EFNA5: variants seen among roughly 807,000 people sequenced by gnomAD.
EFNA5 encodes the protein ephrin-A5.
In EFNA5, 5 loss-of-function variants were observed where a neutral mutation model predicts 22.9. The ratio of observed to expected loss-of-function variants is 0.22; its 90% CI spans 0.11 to 0.46. The LOEUF is 0.46. Ranked by LOEUF, EFNA5 falls within the 20% of genes least tolerant of loss-of-function variation. The pLI is 0.99. For missense variants in EFNA5, 237 were observed against 293.3 expected (o/e 0.81, Z 1.40); for synonymous variants, 113 against 112.2 (o/e 1.01, Z -0.04).
chr5:107,508,006 A>AT (rs369736368), intron 1 of EFNA5, among the ~76,000 whole-genome samples: 1 of 151,980 alleles, frequency 6.6e-6, no homozygotes, highest in Non-Finnish European at 1.5e-5. Context: ...GAATCTGAAG[A>AT]TTTTTTTTGA....
At chr5:107,426,883 T>C (rs252802) in intron 2 of EFNA5, 102,729 of 252,114 alleles carry the variant, frequency 0.41, 24,009 homozygotes, top group Non-Finnish European at 0.5. Context: ...TATGTAAATT[T>C]AATTATTTCC....
intron 1 of EFNA5, 70 bp from the exon 2 acceptor site, chr5:107,427,579 A>G: frequency 1.4e-6 from 2 of 1,406,940 alleles, no homozygotes; most frequent in South Asian, 2.8e-5. Context: ...TCAGTGGTTA[A>G]GCCATTCAAT....
intron 4 of EFNA5, among the ~76,000 whole-genome samples, chr5:107,385,255 G>C (rs181369282): frequency 1.3e-5 from 2 of 152,032 alleles, no homozygotes; most frequent in Admixed American, 6.5e-5. Context: ...GCATTGTATC[G>C]TTAGTGGAAT....
At chr5:107,506,637 T>C (rs974812631) in intron 1 of EFNA5, among the ~76,000 whole-genome samples, 7 of 152,222 alleles carry the variant, frequency 4.6e-5, no homozygotes, top group African/African-American at 1.2e-4. Flanking sequence ...GCCCATTTAA[T>C]GGCAAGCTAA....
intron 1 of EFNA5, among the ~76,000 whole-genome samples, chr5:107,458,551 G>A (rs185768095): frequency 2.4e-4 from 36 of 151,994 alleles, no homozygotes; most frequent in Non-Finnish European, 5.0e-4. Context: ...CAAGGTGCCT[G>A]GAACCTGGAG....
At chr5:107,507,058 TTGTA>T (rs1178491407) in intron 1 of EFNA5, among the ~76,000 whole-genome samples, 1 of 152,092 alleles carries the variant, frequency 6.6e-6, no homozygotes, top group Non-Finnish European at 1.5e-5. Flanking sequence ...GATCAAAAGT[TTGTA>T]TGTGAAGGTC....
At chr5:107,496,354 C>A (rs40288) in intron 1 of EFNA5, among the ~76,000 whole-genome samples, 33,512 of 120,130 alleles carry the variant, frequency 0.28, 5,308 homozygotes, top group East Asian at 0.46. Flanking sequence ...AAAAAAAAAA[C>A]AAAAAAACAA....
At chr5:107,388,181 G>A (rs1747687840) in intron 2 of EFNA5, among the ~76,000 whole-genome samples, 1 of 152,208 alleles carries the variant, frequency 6.6e-6, no homozygotes, top group Admixed American at 6.5e-5. Flanking sequence ...GGCCCAAGGT[G>A]AAAGTGCCGG....
intron 2 of EFNA5, among the ~76,000 whole-genome samples, chr5:107,389,607 C>G (rs556099472): frequency 6.6e-6 from 1 of 152,130 alleles, no homozygotes; most frequent in Non-Finnish European, 1.5e-5. Context: ...ATTGGTTTAG[C>G]GAGGAGCTTC....
chr5:107,449,681 GCTCT>G (rs1339924264), intron 1 of EFNA5, among the ~76,000 whole-genome samples: 2 of 152,138 alleles, frequency 1.3e-5, no homozygotes, highest in African/African-American at 2.4e-5. Flanking sequence ...TCCTTAAGAA[GCTCT>G]CTAAGTTCCA....
chr5:107,559,281 G>A (rs1680584660), intron 1 of EFNA5, among the ~76,000 whole-genome samples: 2 of 152,004 alleles, frequency 1.3e-5, no homozygotes, highest in African/African-American at 2.4e-5. Flanking sequence ...GCTGTCTGGG[G>A]CTTTATTTTC....
At chr5:107,556,013 C>T (rs1465131159) in intron 1 of EFNA5, among the ~76,000 whole-genome samples, 1 of 152,170 alleles carries the variant, frequency 6.6e-6, no homozygotes, top group Non-Finnish European at 1.5e-5. Flanking sequence ...TCATGATTTC[C>T]CTTCTTCACA....
chr5:107,380,850 G>A lies in EFNA5; in HGVS notation c.*405C>T, dbSNP rs1747435936. On this transcript the variant is annotated 3_prime_UTR_variant, in exon 5 of 5. Transcript: ENST00000333274. The stretch of plus-strand genomic sequence containing the variant: ...GGAGAGCAAAACCCTCCCAGCCCTA[G>A]CCAGCGCTGGCTGCATCTGCCACTA... The A allele has an allele frequency of 2.4e-6, 1 of 410,008 alleles. No homozygotes were observed. The highest frequency in any genetic ancestry group is 3.5e-5 in the East Asian group (1 of 28,936). 25.4% of individuals were successfully genotyped at this position (410,008 alleles called of 1,614,324 possible).
chr5:107,468,083 A>C (rs1043495789), intron 1 of EFNA5, among the ~76,000 whole-genome samples: 5 of 152,204 alleles, frequency 3.3e-5, no homozygotes, highest in Non-Finnish European at 5.9e-5. Context: ...GATAGCATAC[A>C]AGCCATATAC....
intron 2 of EFNA5, among the ~76,000 whole-genome samples, chr5:107,396,456 T>C (rs577325347): frequency 4.6e-5 from 7 of 152,320 alleles, no homozygotes; most frequent in African/African-American, 1.4e-4. Flanking sequence ...TACAGATTGA[T>C]AGCATCAGCT....
intron 1 of EFNA5, among the ~76,000 whole-genome samples, chr5:107,455,208 G>A (rs1308387277): frequency 4.6e-5 from 7 of 152,148 alleles, no homozygotes; most frequent in Non-Finnish European, 7.4e-5. Context: ...TATATACACA[G>A]ACCCAAAGAT....
At chr5:107,572,632 A>C (rs1161599419) in intron 1 of EFNA5, among the ~76,000 whole-genome samples, 1 of 152,230 alleles carries the variant, frequency 6.6e-6, no homozygotes, top group Non-Finnish European at 1.5e-5. Flanking sequence ...TAGCACATGG[A>C]CACTGCAGCG....
chr5:107,663,266 T>A (rs1426115831), intron 1 of EFNA5, among the ~76,000 whole-genome samples: 3 of 152,106 alleles, frequency 2.0e-5, no homozygotes, highest in Non-Finnish European at 1.5e-5. Flanking sequence ...AAAAACAAGC[T>A]TTTCTAAATC....
intron 1 of EFNA5, among the ~76,000 whole-genome samples, chr5:107,440,315 A>G (rs1749222333): frequency 6.6e-6 from 1 of 152,204 alleles, no homozygotes; most frequent in South Asian, 2.1e-4. Flanking sequence ...ATGCTTGTCT[A>G]TCTCAATGAC....
Sources: gnomAD v4.1 joint callset for allele counts (sites outside exome capture counted in the v4.1 genomes callset) on GRCh38, gnomAD v4.1.1 for gene constraint, MANE v1.5 for transcripts, NCBI Gene and HGNC (gene_info 2026-07-23, HGNC 2026-07-21) for gene names.